The following FHOD3 variants were observed in gnomAD, a reference collection of about 807,000 sequenced individuals.
FHOD3 encodes formin homology 2 domain containing 3.
In FHOD3, 90 loss-of-function variants were observed where a neutral mutation model predicts 173.0. The ratio of observed to expected loss-of-function variants is 0.52; its 90% CI spans 0.44 to 0.62. FHOD3 has a LOEUF of 0.62. Ranked by LOEUF, FHOD3 falls within the 20% of genes least tolerant of loss-of-function variation. The pLI, the probability that FHOD3 is intolerant of heterozygous loss-of-function variation, is 0.00. For missense variants in FHOD3, 1,945 were observed against 2,034.7 expected (o/e 0.96, Z 0.85); for synonymous variants, 828 against 823.0 (o/e 1.01, Z -0.10).
intron 1 of FHOD3, among the ~76,000 whole-genome samples, chr18:36,344,171 G>A (rs546187219): frequency 1.1e-4 from 17 of 152,300 alleles, no homozygotes; most frequent in Admixed American, 9.8e-4. Flanking sequence ...TTTGTTGTCA[G>A]CAGACTCTCA....
intron 15 of FHOD3, among the ~76,000 whole-genome samples, chr18:36,682,479 T>G (rs1157745074): frequency 6.6e-6 from 1 of 152,196 alleles, no homozygotes; most frequent in Non-Finnish European, 1.5e-5. Flanking sequence ...TTAGTTCAGT[T>G]TCTTTGGCAA....
chr18:36,461,315 G>C (rs1453151968), intron 3 of FHOD3, among the ~76,000 whole-genome samples: 1 of 152,102 alleles, frequency 6.6e-6, no homozygotes, highest in Non-Finnish European at 1.5e-5. Flanking sequence ...ATAATGGTAG[G>C]CACACACCTG....
At chr18:36,735,392 G>A (rs557406559) in intron 20 of FHOD3, among the ~76,000 whole-genome samples, 1 of 152,252 alleles carries the variant, frequency 6.6e-6, no homozygotes, top group Non-Finnish European at 1.5e-5. Flanking sequence ...TGACTGAGTG[G>A]CTTAGCTGCA....
intron 3 of FHOD3, among the ~76,000 whole-genome samples, chr18:36,459,344 C>A (rs139035128): frequency 6.6e-6 from 1 of 152,364 alleles, no homozygotes; most frequent in East Asian, 1.9e-4. Context: ...GCTGATGTGG[C>A]ATGAGCAGTG....
intron 18 of FHOD3, chr18:36,710,939 GA>G (rs1331417385): frequency 6.6e-6 from 1 of 152,146 alleles, no homozygotes; most frequent in Non-Finnish European, 1.5e-5. Flanking sequence ...AACATATCAA[GA>G]AATTGGATTA....
intron 3 of FHOD3, among the ~76,000 whole-genome samples, chr18:36,401,059 G>A (rs962858338): frequency 1.3e-5 from 2 of 152,116 alleles, no homozygotes; most frequent in Non-Finnish European, 2.9e-5. Context: ...CACTAGTTAG[G>A]GAGAAGGAGA....
intron 3 of FHOD3, among the ~76,000 whole-genome samples, chr18:36,491,347 C>T (rs1046515859): frequency 6.6e-6 from 1 of 152,142 alleles, no homozygotes; most frequent in Admixed American, 6.5e-5. Flanking sequence ...TCCAATTTCC[C>T]ATTAGTAACA....
At chr18:36,450,443 G>A (rs1790626) in intron 3 of FHOD3, among the ~76,000 whole-genome samples, 23,064 of 92,578 alleles carry the variant, frequency 0.25, 2,050 homozygotes, top group African/African-American at 0.28. Context: ...CGACCAGTTT[G>A]TTTATTTATT....
intron 6 of FHOD3, among the ~76,000 whole-genome samples, chr18:36,584,519 T>C (rs2058961448): frequency 1.3e-5 from 2 of 152,252 alleles, no homozygotes; most frequent in Admixed American, 6.5e-5. Context: ...AATTGCACTA[T>C]TGTCTTAAAT....
At chr18:36,760,235 G>C (rs1305527371) in intron 26 of FHOD3, among the ~76,000 whole-genome samples, 1 of 152,146 alleles carries the variant, frequency 6.6e-6, no homozygotes, top group East Asian at 1.9e-4. Context: ...GGTTAACAAG[G>C]CATATTTCAT....
chr18:36,608,126 T>C (rs1049208867), intron 8 of FHOD3, among the ~76,000 whole-genome samples: 10 of 152,260 alleles, frequency 6.6e-5, no homozygotes, highest in Non-Finnish European at 1.2e-4. Context: ...TTATTTGTTA[T>C]AGCAACAGCC....
chr18:36,405,672 A>C (rs2049019520), intron 3 of FHOD3, among the ~76,000 whole-genome samples: 1 of 152,242 alleles, frequency 6.6e-6, no homozygotes, highest in Admixed American at 6.5e-5. Context: ...CAGGATGAAC[A>C]AAGAATTTAT....
chr18:36,485,839 A>G (rs546680587), intron 3 of FHOD3, among the ~76,000 whole-genome samples: 1 of 152,264 alleles, frequency 6.6e-6, no homozygotes, highest in South Asian at 2.1e-4. Flanking sequence ...TCATAGGACC[A>G]CAAAGGTTCC....
At chr18:36,665,117 A>G (rs1422176284) in intron 14 of FHOD3, among the ~76,000 whole-genome samples, 1 of 152,174 alleles carries the variant, frequency 6.6e-6, no homozygotes, top group Non-Finnish European at 1.5e-5. Context: ...ATATTGCTAG[A>G]TCACTGAATG....
At chr18:36,506,875 A>G (rs1051657043) in intron 4 of FHOD3, among the ~76,000 whole-genome samples, 1 of 152,256 alleles carries the variant, frequency 6.6e-6, no homozygotes, top group Non-Finnish European at 1.5e-5. Context: ...AAGCCCATCC[A>G]GAAGAATGCC....
intron 19 of FHOD3, among the ~76,000 whole-genome samples, chr18:36,721,822 A>G (rs547352506): frequency 1.3e-5 from 2 of 152,336 alleles, no homozygotes; most frequent in African/African-American, 4.8e-5. Context: ...TTTTTAAATT[A>G]AGTACAATAA....
At chr18:36,740,448 C>T (rs9962146) in intron 20 of FHOD3, among the ~76,000 whole-genome samples, 1 of 152,124 alleles carries the variant, frequency 6.6e-6, no homozygotes, top group Non-Finnish European at 1.5e-5. Flanking sequence ...CCTCTCATCT[C>T]CCTTTCTTGC....
intron 3 of FHOD3, among the ~76,000 whole-genome samples, chr18:36,451,242 A>T (rs996313772): frequency 6.6e-6 from 1 of 152,260 alleles, no homozygotes; most frequent in Non-Finnish European, 1.5e-5. Flanking sequence ...CATGGTGGTC[A>T]TCACTAATTG....
rs185039524 is a variant in FHOD3 at position 36,776,745 on chromosome 18, G to A, written c.4787-2703G>A. On this transcript the variant is annotated intron_variant, in intron 28 of 28. Transcript: ENST00000590592. ...AGGACACATGAGCCCAGACCAGAGGGTGAAGCAGCATCCCAAGGGGTCTGG... is the reference window on the plus strand; with the variant it reads ...AGGACACATGAGCCCAGACCAGAGGATGAAGCAGCATCCCAAGGGGTCTGG... Among the ~76,000 whole-genome samples, 214 of 152,284 alleles carry A rather than the reference G, an allele frequency of 1.4e-3. No homozygotes were observed. In the Middle Eastern group the frequency reaches 0.017, roughly 12 times the overall value.
Sources: gnomAD v4.1 joint callset for allele counts (sites outside exome capture counted in the v4.1 genomes callset) on GRCh38, gnomAD v4.1.1 for gene constraint, MANE v1.5 for transcripts, NCBI Gene and HGNC (gene_info 2026-07-23, HGNC 2026-07-21) for gene names.